Variants in HUWE1 observed in about 807,000 individuals in gnomAD.
HUWE1 encodes E3 ubiquitin-protein ligase HUWE1.
A neutral mutation model predicts 299.4 loss-of-function variants in HUWE1; 18 were observed. The ratio of observed to expected loss-of-function variants is 0.06; its 90% confidence interval spans 0.04 to 0.09. HUWE1 has a LOEUF of 0.09. HUWE1 is among the 10% of genes least tolerant of loss of function. The probability of loss-of-function intolerance (pLI) is 1.00; values close to 1 mark genes in which losing one functional copy is unlikely to be tolerated. For missense variants in HUWE1, 1,832 were observed against 3,462.3 expected (o/e 0.53, Z 11.82); for synonymous variants, 1,317 against 1,286.1 (o/e 1.02, Z -0.51).
At chrX:53,600,403 GT>G in intron 28 of HUWE1, 94 bp from the exon 29 acceptor site, 1 of 675,995 alleles carries the variant, frequency 1.5e-6, no homozygotes. Flanking sequence ...TATGGTTTTT[GT>G]TACTCTTTCA....
chrX:53,548,040 T>C lies in HUWE1; in HGVS notation c.10269A>G (p.Pro3423=), dbSNP rs1556924761. ...CCAGTGGAGAGGCCTCGAGGCTGTA[T>C]GGAGAGGTTTCCCCCTCACCGCCAG... ...VSAGGEGETS[P]YSLEASPLGQ... Residue 3423 remains proline, a synonymous_variant, in exon 68 of 84, where the codon CCA becomes CCG. Coordinates refer to ENST00000262854, the MANE Select transcript of HUWE1 (RefSeq NM_031407.7). 6.6e-6 allele frequency: 8 copies of C among 1,209,146 alleles called. No individual in the cohort carries two copies. Among genetic ancestry groups the C allele is most frequent in the Non-Finnish European group, 8.9e-6 (8 of 894,788 alleles).
intron 7 of HUWE1, among the ~76,000 whole-genome samples, chrX:53,644,982 C>T (rs2149246620): frequency 8.9e-6 from 1 of 112,109 alleles, no homozygotes; most frequent in South Asian, 3.7e-4. Context: ...TAAGCAGGGC[C>T]AGGACTCAAA....
chrX:53,552,233 G>T, intron 63 of HUWE1, 78 bp downstream of exon 63: 1 of 1,113,114 alleles, frequency 9.0e-7, no homozygotes, highest in Non-Finnish European at 1.2e-6. Context: ...GAACTGTTTG[G>T]CTGGTGGGCA....
chrX:53,577,131 T>TA (rs781964762), intron 43 of HUWE1, 64 bp from the exon 44 acceptor site: 1 of 872,745 alleles, frequency 1.1e-6, no homozygotes, highest in Non-Finnish European at 1.7e-6. Flanking sequence ...AGGTTACTAA[T>TA]AAAGACTCAG....
At chrX:53,625,385 G>C (rs1557016197) in intron 17 of HUWE1, 127 bp from the exon 18 acceptor site, 3 of 493,801 alleles carry the variant, frequency 6.1e-6, no homozygotes, top group Non-Finnish European at 1.1e-5. Context: ...TTCGAAGTGA[G>C]GTCTCTGAAT....
At chrX:53,606,189 T>C (rs1461703172) in intron 25 of HUWE1, among the ~76,000 whole-genome samples, 5 of 112,129 alleles carry the variant, frequency 4.5e-5, no homozygotes, top group African/African-American at 1.6e-4. Flanking sequence ...AGGAAAAATA[T>C]ATGCAAATCA....
Position 53,674,534 on chromosome X carries a change from G to A in HUWE1, c.-25+5515C>T, listed in dbSNP as rs186975289. 9.8e-5 allele frequency among the ~76,000 whole-genome samples: 11 copies of A among 112,089 alleles called. No individual in the cohort carries two copies. In the East Asian group the frequency reaches 3.1e-3, roughly 31 times the overall value. On this transcript the variant is annotated intron_variant, in intron 3 of 83. Transcript: ENST00000262854. ...CTTGTGAAGAAATGAAACAATAATG[G>A]TTTGAGACTATTGATTCATTTGGGG... is the stretch of plus-strand genomic sequence containing the variant.
chrX:53,646,351 T>A (rs1034757849), intron 6 of HUWE1, among the ~76,000 whole-genome samples: 9 of 110,640 alleles, frequency 8.1e-5, no homozygotes, highest in African/African-American at 3.0e-4. Flanking sequence ...AGCGATGGGG[T>A]CTCACTATGT....
chrX:53,633,541 GAA>G (rs1434304690), intron 8 of HUWE1, among the ~76,000 whole-genome samples: 7 of 112,136 alleles, frequency 6.2e-5, no homozygotes, highest in Non-Finnish European at 1.3e-4. Context: ...TCTGAGACCA[GAA>G]AAGAGCCATT....
chrX:53,671,554 G>A (rs1198859001), intron 3 of HUWE1, among the ~76,000 whole-genome samples: 3 of 111,289 alleles, frequency 2.7e-5, no homozygotes, highest in Non-Finnish European at 5.7e-5. Flanking sequence ...ACTTTGGGAG[G>A]CCGAGGCGGG....
intron 43 of HUWE1, 75 bp downstream of exon 43, chrX:53,580,756 T>G: frequency 9.8e-7 from 1 of 1,019,292 alleles, no homozygotes; most frequent in East Asian, 3.1e-5. Context: ...GTTACAGACC[T>G]CCTCATAAAT....
intron 33 of HUWE1, among the ~76,000 whole-genome samples, chrX:53,591,741 T>C (rs1322389194): frequency 2.7e-5 from 3 of 112,553 alleles, no homozygotes; most frequent in African/African-American, 9.7e-5. Flanking sequence ...GACTATCTTG[T>C]GTGATAAAAT....
At chrX:53,605,459 T>C (rs1485317413) in intron 25 of HUWE1, among the ~76,000 whole-genome samples, 3 of 112,149 alleles carry the variant, frequency 2.7e-5, no homozygotes, top group Non-Finnish European at 5.6e-5. Context: ...ATGAAGAGCA[T>C]TTAATTCAAT....
intron 37 of HUWE1, among the ~76,000 whole-genome samples, chrX:53,587,321 T>G (rs1019084370): frequency 8.9e-5 from 10 of 112,339 alleles, no homozygotes; most frequent in Non-Finnish European, 1.9e-4. Context: ...TAAACACAGT[T>G]AATGGTTCGT....
chrX:53,668,390 C>T (rs989256589), intron 3 of HUWE1, among the ~76,000 whole-genome samples: 8 of 103,840 alleles, frequency 7.7e-5, no homozygotes, highest in Non-Finnish European at 1.4e-4. Context: ...TGCAGTGAGT[C>T]GAGATCATGC....
chrX:53,540,323 T>C (rs2061280311), intron 74 of HUWE1, among the ~76,000 whole-genome samples: 1 of 110,424 alleles, frequency 9.1e-6, no homozygotes, highest in African/African-American at 3.3e-5. Context: ...TAACCTTAAG[T>C]CTAATGCCTT....
In HUWE1 at chrX:53,632,572, T is replaced by TA. The variant is rs112428926; in HGVS notation, c.568-9dup. On this transcript the variant is annotated splice_polypyrimidine_tract_variant and intron_variant, in intron 8 of 83. Coordinates refer to ENST00000262854, the MANE Select transcript of HUWE1 (RefSeq NM_031407.7). ...TGCACTGGGTGGATATTTCTGTGTA[T>TA]AAAGCACATCAAAGAATCAGACATT... The TA allele has an allele frequency of 7.3e-4, 834 of 1,145,840 alleles. 3 individuals are homozygous for TA. In the African/African-American group the frequency reaches 0.014, roughly 19 times the overall value. 94.4% of individuals were successfully genotyped at this position (1,145,840 alleles called of 1,213,427 possible). A position where few individuals can be genotyped will look rare whatever the true frequency, so the allele number is the denominator to read the frequency against.
rs1401907375 is a variant in HUWE1 at position 53,559,280 on chromosome X, T to G, written c.7915+74A>C. 3.7e-6 allele frequency: 4 copies of G among 1,088,294 alleles called. No homozygotes were observed. The East Asian group carries it at 9.0e-5, about 25-fold the overall frequency. The allele number at this position is 1,088,294 out of a possible 1,213,427, so 89.7% of individuals were successfully genotyped here. A position where few individuals can be genotyped will look rare whatever the true frequency, so the allele number is the denominator to read the frequency against. ...TGGGGGTTTTCTATAGGGCAGACACTGTCTTGCTTTTCCTCAGCAGGGAAA... is the reference window on the plus strand; with the variant it reads ...TGGGGGTTTTCTATAGGGCAGACACGGTCTTGCTTTTCCTCAGCAGGGAAA... On this transcript the variant is annotated intron_variant, in intron 57 of 83. Transcript: ENST00000262854.
intron 53 of HUWE1, 53 bp from the exon 54 acceptor site, chrX:53,562,297 C>T: frequency 8.4e-7 from 1 of 1,189,371 alleles, no homozygotes; most frequent in Non-Finnish European, 1.1e-6. Flanking sequence ...AGAAAACAGG[C>T]TACTGTGCAG....
Sources: allele counts gnomAD v4.1 joint callset (sites outside exome capture counted in the v4.1 genomes callset), GRCh38; gene constraint gnomAD v4.1.1; transcripts MANE v1.5; gene names NCBI Gene and HGNC (gene_info 2026-07-23, HGNC 2026-07-21).